Variants in CABIN1 observed in about 807,000 individuals in gnomAD.
CABIN1 encodes the protein calcineurin-binding protein cabin-1.
Under a neutral mutation model 227.7 loss-of-function variants are expected in CABIN1, and 133 were observed. That is an observed-to-expected ratio of 0.58 (90% confidence interval 0.51 to 0.67). The LOEUF (loss-of-function observed/expected upper bound fraction) is 0.67. Ranked by LOEUF, CABIN1 falls within the 30% of genes least tolerant of loss-of-function variation. The pLI is 0.00. For synonymous variants in CABIN1, 1,086 were observed against 1,155.1 expected, an observed-to-expected ratio of 0.94 and a Z score of 1.21; for missense variants, 2,408 against 2,852.5, an observed-to-expected ratio of 0.84 and a Z score of 3.55.
At chr22:24,118,659 G>C (rs967128833) in intron 27 of CABIN1, among the ~76,000 whole-genome samples, 1 of 152,164 alleles carries the variant, frequency 6.6e-6, no homozygotes, top group Non-Finnish European at 1.5e-5. Flanking sequence ...CCACCCTCCC[G>C]GGCCAGATAG....
chr22:24,076,840 C>T (rs2040477508), intron 19 of CABIN1, among the ~76,000 whole-genome samples: 1 of 152,186 alleles, frequency 6.6e-6, no homozygotes, highest in South Asian at 2.1e-4. Context: ...CGAACCCTGT[C>T]TCCAATCTCA....
intron 26 of CABIN1, chr22:24,101,802 A>G (rs959352964): frequency 1.3e-5 from 2 of 152,208 alleles, no homozygotes; most frequent in Non-Finnish European, 2.9e-5. Flanking sequence ...TACATATTCA[A>G]GCAACATAAG....
chr22:24,157,562 A>G (rs888398902), intron 29 of CABIN1, among the ~76,000 whole-genome samples: 7 of 152,158 alleles, frequency 4.6e-5, no homozygotes, highest in Admixed American at 1.3e-4. Flanking sequence ...TGTAAGTGAA[A>G]TCATGTGTTA....
intron 26 of CABIN1, among the ~76,000 whole-genome samples, chr22:24,101,171 C>G (rs1363130492): frequency 6.6e-6 from 1 of 152,222 alleles, no homozygotes; most frequent in Non-Finnish European, 1.5e-5. Flanking sequence ...TCAGGACTTT[C>G]CTTGGGCATG....
chr22:24,047,430 A>C (rs1007021935), intron 6 of CABIN1, among the ~76,000 whole-genome samples: 2 of 152,208 alleles, frequency 1.3e-5, no homozygotes, highest in African/African-American at 4.8e-5. Context: ...AGCATCATCC[A>C]AGTGCTCAGT....
chr22:24,175,690 T>C (rs2047063401), intron 34 of CABIN1: 10 of 292,878 alleles, frequency 3.4e-5, no homozygotes, highest in South Asian at 3.3e-4. Flanking sequence ...GCGTCTACTT[T>C]GGTCTTAGTT....
chr22:24,059,674 C>A (rs1366294585), intron 11 of CABIN1, among the ~76,000 whole-genome samples: 3 of 152,156 alleles, frequency 2.0e-5, no homozygotes, highest in Non-Finnish European at 2.9e-5. Flanking sequence ...CACATGGCAG[C>A]ACTTGGAGGT....
At chr22:24,083,531 G>C in intron 20 of CABIN1, 142 bp downstream of exon 20, 1 of 869,848 alleles carries the variant, frequency 1.1e-6, no homozygotes, top group Non-Finnish European at 1.8e-6. Flanking sequence ...TCTGATGAGT[G>C]TATCAAAGGA....
intron 1 of CABIN1, among the ~76,000 whole-genome samples, chr22:24,021,143 G>T (rs1261661785): frequency 1.3e-5 from 2 of 151,940 alleles, no homozygotes; most frequent in African/African-American, 4.8e-5. Flanking sequence ...GGGACTACAG[G>T]TGCATATCAC....
chr22:24,066,284 A>G (rs2039672012), intron 15 of CABIN1, among the ~76,000 whole-genome samples: 1 of 152,186 alleles, frequency 6.6e-6, no homozygotes, highest in African/African-American at 2.4e-5. Context: ...ACTATTTAGA[A>G]GCAGTCATTG....
intron 29 of CABIN1, among the ~76,000 whole-genome samples, chr22:24,150,786 T>C (rs1425855920): frequency 6.6e-6 from 1 of 152,206 alleles, no homozygotes; most frequent in Non-Finnish European, 1.5e-5. Context: ...TAAATTCTGC[T>C]ATTCTCCAGT....
At chr22:24,095,854 CA>C in intron 24 of CABIN1, 76 bp from the exon 25 acceptor site, 1 of 1,545,834 alleles carries the variant, frequency 6.5e-7, no homozygotes, top group Non-Finnish European at 8.9e-7. Context: ...GGCCCATTTC[CA>C]GTGTGGCTGA....
chr22:24,147,343 CCCTG>C (rs1276922258), intron 29 of CABIN1, among the ~76,000 whole-genome samples: 3 of 133,132 alleles, frequency 2.3e-5, no homozygotes, highest in African/African-American at 8.4e-5. Flanking sequence ...CTCCCTCCCT[CCCTG>C]CCTCCCTCCC....
intron 5 of CABIN1, 86 bp from the exon 6 acceptor site, chr22:24,042,818 C>CTCTGTGTGCGTGTGTG: frequency 1.5e-6 from 1 of 685,056 alleles, no homozygotes; most frequent in East Asian, 4.6e-5. Flanking sequence ...AGAGATCTGA[C>CTCTGTGTGCGTGTGTG]TGTGTGTGTG....
At chr22:24,144,257 G>A (rs2044968177) in intron 29 of CABIN1, among the ~76,000 whole-genome samples, 1 of 152,190 alleles carries the variant, frequency 6.6e-6, no homozygotes, top group African/African-American at 2.4e-5. Context: ...TGTCTGCTGT[G>A]GACATGTGAT....
intron 19 of CABIN1, among the ~76,000 whole-genome samples, chr22:24,079,217 A>T (rs1250368150): frequency 6.6e-6 from 1 of 152,112 alleles, no homozygotes; most frequent in Non-Finnish European, 1.5e-5. Flanking sequence ...CTTCCCAATC[A>T]TCCCACATTA....
chr22:24,151,100 C>T (rs1010828736), intron 29 of CABIN1, among the ~76,000 whole-genome samples: 2 of 152,104 alleles, frequency 1.3e-5, no homozygotes, highest in African/African-American at 4.8e-5. Context: ...CTTGGGAACC[C>T]GAACGCCCTT....
intron 29 of CABIN1, among the ~76,000 whole-genome samples, chr22:24,150,728 T>G (rs1226003174): frequency 6.6e-6 from 1 of 152,200 alleles, no homozygotes; most frequent in Non-Finnish European, 1.5e-5. Flanking sequence ...CAGAGGCACT[T>G]CTGGCTCCGC....
chr22:24,033,032 C>T (rs765093835), intron 1 of CABIN1, among the ~76,000 whole-genome samples: 2 of 152,178 alleles, frequency 1.3e-5, no homozygotes, highest in East Asian at 1.9e-4. Context: ...GAGCCGAGAT[C>T]GCGCCACTGC....
Sources: allele counts gnomAD v4.1 joint callset (sites outside exome capture counted in the v4.1 genomes callset), GRCh38; gene constraint gnomAD v4.1.1; transcripts MANE v1.5; gene names NCBI Gene and HGNC (gene_info 2026-07-23, HGNC 2026-07-21).